Variants in PCDH15 observed in about 807,000 individuals in gnomAD.
PCDH15 encodes the protein protocadherin-15.
A neutral mutation model predicts 178.5 loss-of-function variants in PCDH15; 129 were observed. The ratio of observed to expected loss-of-function variants is 0.72; its 90% confidence interval spans 0.63 to 0.84. PCDH15 has a LOEUF of 0.84. PCDH15 is among the 40% of genes least tolerant of loss of function. The pLI is 0.00. For missense variants in PCDH15, 2,230 were observed against 2,099.9 expected, an observed-to-expected ratio of 1.06 and a Z score of -1.21; for synonymous variants, 800 against 732.0, an observed-to-expected ratio of 1.09 and a Z score of -1.50.
intron 2 of PCDH15, among the ~76,000 whole-genome samples, chr10:54,649,758 ACTGTGGGGTGG>A (rs1043315419): frequency 7.5e-4 from 114 of 152,232 alleles, no homozygotes; most frequent in African/African-American, 2.7e-3. Context: ...AAAAAGGTAC[ACTGTGGGGTGG>A]GTAATATCTC....
At chr10:55,383,957 T>C (rs1278790500) in intron 2 of PCDH15, among the ~76,000 whole-genome samples, 1 of 152,128 alleles carries the variant, frequency 6.6e-6, no homozygotes, top group African/African-American at 2.4e-5. Context: ...TATAAAATAA[T>C]AGCAAGAAAG....
intron 1 of PCDH15, among the ~76,000 whole-genome samples, chr10:55,188,484 G>A (rs897338313): frequency 1.4e-4 from 21 of 151,854 alleles, no homozygotes; most frequent in Middle Eastern, 6.8e-3. Context: ...AAGTAATGCC[G>A]TCATATTCAC....
At chr10:54,388,299 C>T (rs1355633575) in intron 3 of PCDH15, among the ~76,000 whole-genome samples, 1 of 152,176 alleles carries the variant, frequency 6.6e-6, no homozygotes, top group Non-Finnish European at 1.5e-5. Context: ...GTTTCGTTGT[C>T]AAAGCGTTCA....
chr10:54,274,136 G>A (rs2058208485), intron 8 of PCDH15, among the ~76,000 whole-genome samples: 1 of 151,920 alleles, frequency 6.6e-6, no homozygotes, highest in Non-Finnish European at 1.5e-5. Context: ...GGGGCTTTTT[G>A]GAGGGTGGAG....
At chr10:54,999,621 G>A (rs370796733) in intron 2 of PCDH15, among the ~76,000 whole-genome samples, 3 of 152,170 alleles carry the variant, frequency 2.0e-5, no homozygotes, top group South Asian at 2.1e-4. Flanking sequence ...CTTCAGAGAT[G>A]GTGGGAGCCA....
At chr10:54,996,336 G>A (rs1465199735) in intron 2 of PCDH15, among the ~76,000 whole-genome samples, 3 of 152,202 alleles carry the variant, frequency 2.0e-5, no homozygotes, top group Admixed American at 6.5e-5. Flanking sequence ...TGGATATGCC[G>A]TCCTCAATTT....
intron 1 of PCDH15, among the ~76,000 whole-genome samples, chr10:55,229,142 T>C (rs1841140087): frequency 6.6e-6 from 1 of 151,944 alleles, no homozygotes; most frequent in South Asian, 2.1e-4. Flanking sequence ...TCACACAATA[T>C]AGAATTCTCT....
chr10:55,148,391 T>C (rs1369575769), intron 2 of PCDH15, among the ~76,000 whole-genome samples: 1 of 151,914 alleles, frequency 6.6e-6, no homozygotes, highest in African/African-American at 2.4e-5. Context: ...TAAAGCTCAT[T>C]GACAAATTCT....
At chr10:54,166,454 T>C (rs909975354) in intron 13 of PCDH15, among the ~76,000 whole-genome samples, 4 of 152,162 alleles carry the variant, frequency 2.6e-5, no homozygotes, top group Non-Finnish European at 4.4e-5. Flanking sequence ...AAGAAAGTAA[T>C]ACAACATGTA....
chr10:55,525,149 G>A (rs1434461981), intron 2 of PCDH15, among the ~76,000 whole-genome samples: 3 of 151,698 alleles, frequency 2.0e-5, no homozygotes, highest in Admixed American at 6.6e-5. Flanking sequence ...TGATCTTAGC[G>A]CACTGTTTAG....
At chr10:54,901,477 G>A (rs943100294) in intron 2 of PCDH15, among the ~76,000 whole-genome samples, 7 of 151,914 alleles carry the variant, frequency 4.6e-5, no homozygotes, top group African/African-American at 1.5e-4. Flanking sequence ...TCATCTGGTG[G>A]CAATATACAT....
At chr10:54,267,646 C>A (rs190891370) in intron 8 of PCDH15, among the ~76,000 whole-genome samples, 3 of 151,550 alleles carry the variant, frequency 2.0e-5, no homozygotes, top group African/African-American at 4.8e-5. Flanking sequence ...AACTGAGAAC[C>A]AAATCAAGAA....
At chr10:55,540,779 T>C (rs1342720018) in intron 2 of PCDH15, among the ~76,000 whole-genome samples, 1 of 152,074 alleles carries the variant, frequency 6.6e-6, no homozygotes, top group Non-Finnish European at 1.5e-5. Flanking sequence ...TATTTGATTA[T>C]TGCAACTCCC....
intron 26 of PCDH15, among the ~76,000 whole-genome samples, chr10:53,883,687 G>A (rs1199583804): frequency 6.6e-6 from 1 of 152,158 alleles, no homozygotes; most frequent in Non-Finnish European, 1.5e-5. Flanking sequence ...AAGCTTGAAA[G>A]ATAGTTTCTA....
At chr10:55,125,162 A>AG (rs1837865706) in intron 2 of PCDH15, among the ~76,000 whole-genome samples, 5 of 50,106 alleles carry the variant, frequency 1.0e-4, no homozygotes, top group Non-Finnish European at 1.4e-4. Flanking sequence ...TTTTTTTTTA[A>AG]TTGTGTGTGT....
chr10:55,617,430 T>C (rs1462690220), intron 2 of PCDH15, among the ~76,000 whole-genome samples: 2 of 152,112 alleles, frequency 1.3e-5, no homozygotes, highest in African/African-American at 4.8e-5. Flanking sequence ...GTCAATAACA[T>C]GCTTATATTT....
chr10:53,917,107 A>G (rs1346918927), intron 25 of PCDH15, among the ~76,000 whole-genome samples: 1 of 152,174 alleles, frequency 6.6e-6, no homozygotes, highest in East Asian at 1.9e-4. Context: ...TCATAATGAA[A>G]TAACTATTGG....
chr10:54,683,759 G>C (rs886816930), intron 1 of PCDH15, among the ~76,000 whole-genome samples: 12 of 152,086 alleles, frequency 7.9e-5, no homozygotes, highest in African/African-American at 2.7e-4. Flanking sequence ...TGCTTGCAGT[G>C]ATTAAAGCTT....
At chr10:54,916,609 G>A (rs931118718) in intron 2 of PCDH15, among the ~76,000 whole-genome samples, 1 of 151,938 alleles carries the variant, frequency 6.6e-6, no homozygotes, top group African/African-American at 2.4e-5. Context: ...CCATCCTATG[G>A]CATATATTTC....
Sources: gnomAD v4.1 joint callset for allele counts (sites outside exome capture counted in the v4.1 genomes callset) on GRCh38, gnomAD v4.1.1 for gene constraint, MANE v1.5 for transcripts, NCBI Gene and HGNC (gene_info 2026-07-23, HGNC 2026-07-21) for gene names.